RAP1A: variants seen among roughly 807,000 people sequenced by gnomAD.
RAP1A encodes ras-related protein Rap-1A.
Under a neutral mutation model 26.4 loss-of-function variants are expected in RAP1A, and 6 were observed. The observed-to-expected ratio is 0.23, with a 90% confidence interval of 0.12 to 0.45. RAP1A has a LOEUF of 0.45. Among genes scored for constraint, RAP1A ranks in the 20% least tolerant of loss-of-function variants. The pLI is 0.99. For missense variants in RAP1A, 121 were observed against 217.2 expected (o/e 0.56, Z 2.78); for synonymous variants, 73 against 79.4 (o/e 0.92, Z 0.43).
chr1:111,542,146 G>A, upstream of RAP1A: 1 of 323,674 alleles, frequency 3.1e-6, no homozygotes, highest in Admixed American at 3.3e-5. Context: ...GAACTATCAT[G>A]TTTTTAATTG....
At chr1:111,591,546 G>A (rs765536236) in intron 1 of RAP1A, among the ~76,000 whole-genome samples, 4 of 152,140 alleles carry the variant, frequency 2.6e-5, no homozygotes, top group Non-Finnish European at 5.9e-5. Flanking sequence ...GTTATAATTT[G>A]TTCTTTTATT....
intron 6 of RAP1A, among the ~76,000 whole-genome samples, chr1:111,704,922 A>T (rs942833555): frequency 6.6e-6 from 1 of 152,174 alleles, no homozygotes; most frequent in African/African-American, 2.4e-5. Flanking sequence ...TGCATGACTC[A>T]TAAGTGGGTA....
chr1:111,670,072 T>C (rs1314724504), intron 1 of RAP1A, among the ~76,000 whole-genome samples: 2 of 152,054 alleles, frequency 1.3e-5, no homozygotes, highest in Non-Finnish European at 2.9e-5. Context: ...AACTGGGAGT[T>C]TTTTTTTGTT....
chr1:111,677,865 C>A (rs959872895), intron 1 of RAP1A, among the ~76,000 whole-genome samples: 3 of 152,178 alleles, frequency 2.0e-5, no homozygotes, highest in Non-Finnish European at 4.4e-5. Flanking sequence ...GGGAACGATA[C>A]AAGGTATGAA....
At chr1:111,617,588 A>C (rs984957562), upstream of RAP1A, among the ~76,000 whole-genome samples, 2 of 151,436 alleles carry the variant, frequency 1.3e-5, no homozygotes, top group Admixed American at 6.6e-5. Context: ...GCCTGCCACC[A>C]CGCCTGGCTA....
At chr1:111,680,507 AC>A (rs1295783461) in intron 1 of RAP1A, 1 of 152,196 alleles carries the variant, frequency 6.6e-6, no homozygotes, top group African/African-American at 2.4e-5. Context: ...GTGTGTTTTT[AC>A]AGAGTGCATT....
At chr1:111,610,757 C>G (rs1658913184) in intron 1 of RAP1A, among the ~76,000 whole-genome samples, 1 of 152,222 alleles carries the variant, frequency 6.6e-6, no homozygotes, top group African/African-American at 2.4e-5. Context: ...TCCTGTAAGG[C>G]TGCACTGGTA....
intron 1 of RAP1A, among the ~76,000 whole-genome samples, chr1:111,623,267 C>T (rs962567658): frequency 6.6e-6 from 1 of 151,956 alleles, no homozygotes; most frequent in Non-Finnish European, 1.5e-5. Flanking sequence ...CTCAAGTGAT[C>T]CAGCCACCTT....
At chr1:111,566,996 C>A (rs959414707) in intron 1 of RAP1A, among the ~76,000 whole-genome samples, 1 of 151,724 alleles carries the variant, frequency 6.6e-6, no homozygotes, top group Non-Finnish European at 1.5e-5. Context: ...GCTTCATTAG[C>A]GTCATGGTAT....
At chr1:111,648,231 C>G in intron 1 of RAP1A, 3 of 463,488 alleles carry the variant, frequency 6.5e-6, no homozygotes, top group East Asian at 5.4e-5. Flanking sequence ...CTTCCAGTGA[C>G]CTTTGAACTT....
Position 111,685,390 on chromosome 1 carries a change from A to G in RAP1A, c.-27-5944A>G, listed in dbSNP as rs561746761. 3.9e-4 allele frequency among the ~76,000 whole-genome samples: 59 copies of G among 151,400 alleles called. 1 individual carries two copies. The highest frequency in any genetic ancestry group is 3.4e-3 in the Admixed American group (51 of 15,166). ...CAATCTATCCATCTGACAAAGGGCT[A>G]ATATCCAGAATCTACAAGGAACTTA... On this transcript the variant is annotated intron_variant, in intron 1 of 7. Coordinates refer to ENST00000369709, the MANE Select transcript of RAP1A (RefSeq NM_002884.4).
At chr1:111,680,713 C>G (rs1310073533) in intron 1 of RAP1A, 1 of 153,328 alleles carries the variant, frequency 6.5e-6, no homozygotes, top group Non-Finnish European at 1.4e-5. Flanking sequence ...GTTCTACAGC[C>G]TCTGCTGGTG....
At chr1:111,686,398 C>G (rs774798169) in intron 1 of RAP1A, 13 of 151,880 alleles carry the variant, frequency 8.6e-5, no homozygotes, top group Non-Finnish European at 1.8e-4. Flanking sequence ...TGGCCTCTTT[C>G]ATTATGTTGC....
At chr1:111,628,350 T>A (rs1173328311) in intron 1 of RAP1A, among the ~76,000 whole-genome samples, 1 of 152,176 alleles carries the variant, frequency 6.6e-6, no homozygotes, top group South Asian at 2.1e-4. Flanking sequence ...AGGAATGGCA[T>A]GTGCCAAGAT....
chr1:111,681,715 C>T (rs537760434), intron 1 of RAP1A, among the ~76,000 whole-genome samples: 88 of 152,282 alleles, frequency 5.8e-4, no homozygotes, highest in African/African-American at 2.1e-3. Context: ...AAGACCAAAC[C>T]TACGATTGAT....
At chr1:111,564,212 A>G (rs772358805) in intron 1 of RAP1A, among the ~76,000 whole-genome samples, 23 of 152,202 alleles carry the variant, frequency 1.5e-4, no homozygotes, top group Non-Finnish European at 3.2e-4. Flanking sequence ...TTGAAATGAG[A>G]GAAACATTGA....
At chr1:111,634,638 TATTTATTTTATTC>T (rs1312590321) in intron 1 of RAP1A, among the ~76,000 whole-genome samples, 1 of 151,394 alleles carries the variant, frequency 6.6e-6, no homozygotes, top group African/African-American at 2.4e-5. Context: ...TTTATTTATT[TATTTATTTTATTC>T]ATTTATTTTT....
intron 1 of RAP1A, among the ~76,000 whole-genome samples, chr1:111,571,827 G>A (rs1468115175): frequency 1.3e-5 from 2 of 152,178 alleles, no homozygotes; most frequent in East Asian, 1.9e-4. Context: ...GTTGGTGAGA[G>A]GATAGATAAA....
intron 1 of RAP1A, among the ~76,000 whole-genome samples, chr1:111,564,275 C>T (rs1444528611): frequency 3.3e-5 from 5 of 152,168 alleles, no homozygotes; most frequent in Non-Finnish European, 7.3e-5. Flanking sequence ...CATTCCCTAA[C>T]CTTCCCTGTG....
Sources: gnomAD v4.1 joint callset for allele counts (sites outside exome capture counted in the v4.1 genomes callset) on GRCh38, gnomAD v4.1.1 for gene constraint, MANE v1.5 for transcripts, NCBI Gene and HGNC (gene_info 2026-07-23, HGNC 2026-07-21) for gene names.